The following KCNAB1 variants were observed in gnomAD, a reference collection of about 807,000 sequenced individuals.
KCNAB1 encodes potassium voltage-gated channel subfamily A regulatory beta subunit 1.
A neutral mutation model predicts 64.6 loss-of-function variants in KCNAB1; 35 were observed. The ratio of observed to expected loss-of-function variants is 0.54; its 90% CI spans 0.41 to 0.72. The LOEUF (loss-of-function observed/expected upper bound fraction) is 0.72. KCNAB1 is among the 30% of genes least tolerant of loss of function. The probability of loss-of-function intolerance (pLI) is 0.00; values close to 1 mark genes in which losing one functional copy is unlikely to be tolerated. For missense variants in KCNAB1, 401 were observed against 512.9 expected, an observed-to-expected ratio of 0.78 and a Z score of 2.11; for synonymous variants, 177 against 183.8, an observed-to-expected ratio of 0.96 and a Z score of 0.30.
At chr3:156,338,303 C>T (rs13060566) in intron 1 of KCNAB1, among the ~76,000 whole-genome samples, 19 of 39,496 alleles carry the variant, frequency 4.8e-4, no homozygotes, top group Admixed American at 1.2e-3. Flanking sequence ...GGCATTTGCA[C>T]TTTTTTTTTT....
intron 1 of KCNAB1, among the ~76,000 whole-genome samples, chr3:156,300,911 G>T (rs919069452): frequency 2.0e-5 from 3 of 152,164 alleles, no homozygotes; most frequent in African/African-American, 7.2e-5. Context: ...TATTCTTATA[G>T]ATAATTTATT....
At chr3:156,265,056 A>G (rs1329086240) in intron 1 of KCNAB1, among the ~76,000 whole-genome samples, 2 of 152,130 alleles carry the variant, frequency 1.3e-5, no homozygotes, top group African/African-American at 4.8e-5. Flanking sequence ...AATCTTCTAT[A>G]TTCAGAATTG....
rs114667779 is a variant in KCNAB1 at position 156,357,377 on chromosome 3, T to G, written c.276-64239T>G. Among the ~76,000 whole-genome samples the G allele has an allele frequency of 6.7e-3, 1,018 of 152,268 alleles. 13 individuals carry two copies. The highest frequency in any genetic ancestry group is 0.024 in the African/African-American group (993 of 41,564). On this transcript the variant is annotated intron_variant, in intron 1 of 13. Coordinates refer to ENST00000490337, the MANE Select transcript of KCNAB1 (RefSeq NM_172160.3). Reference sequence around the variant, plus strand: ...TAATTTTTGAGCTGTAAGAGAAAATTTTTTACGAGACCCTCAAGAACTCAA... The same window carrying G: ...TAATTTTTGAGCTGTAAGAGAAAATGTTTTACGAGACCCTCAAGAACTCAA...
chr3:156,118,456 G>GAC, upstream of KCNAB1: 1 of 326,030 alleles, frequency 3.1e-6, no homozygotes. Context: ...TTACATTGAA[G>GAC]TAGTGTGAAG....
rs560999348 is a variant in KCNAB1 at position 156,188,871 on chromosome 3, A to G, written c.275+67985A>G. Among the ~76,000 whole-genome samples the G allele has an allele frequency of 2.6e-4, 40 of 152,296 alleles. 1 individual carries two copies. In the South Asian group the frequency reaches 7.3e-3, roughly 28 times the overall value. ...TGTTTTCTGAGTAATTTGGGAGGAT[A>G]TTAGACAGATAGTTGTGATCACTTC... On this transcript the variant is annotated intron_variant, in intron 1 of 13. Transcript: ENST00000490337.
intron 2 of KCNAB1, among the ~76,000 whole-genome samples, chr3:156,437,223 T>G (rs1716645865): frequency 6.6e-6 from 1 of 152,206 alleles, no homozygotes; most frequent in Non-Finnish European, 1.5e-5. Context: ...ATTGACCCAT[T>G]GGAACCACAT....
intron 1 of KCNAB1, among the ~76,000 whole-genome samples, chr3:156,319,599 T>G (rs573681892): frequency 3.3e-5 from 5 of 152,314 alleles, no homozygotes; most frequent in Admixed American, 2.0e-4. Context: ...TGCTGTTGAT[T>G]ACCACACACA....
In KCNAB1 at chr3:156,193,321, T is replaced by C. The variant is rs191388930; in HGVS notation, c.275+72435T>C. ...ACCATACAACCATTCTGTTTTTCAC[T>C]TTCAGCATACAGTATTTAATAGATT... On this transcript the variant is annotated intron_variant, in intron 1 of 13. Transcript: ENST00000490337. 2.1e-3 allele frequency among the ~76,000 whole-genome samples: 319 copies of C among 152,310 alleles called. 1 individual carries two copies. Among genetic ancestry groups the C allele is most frequent in the African/African-American group, 7.1e-3 (295 of 41,570 alleles).
chr3:156,477,103 A>C (rs1419953851), intron 8 of KCNAB1, among the ~76,000 whole-genome samples: 1 of 152,194 alleles, frequency 6.6e-6, no homozygotes, highest in African/African-American at 2.4e-5. Context: ...TTAGGAGCCA[A>C]ACTATGTGAT....
intron 1 of KCNAB1, among the ~76,000 whole-genome samples, chr3:156,193,258 A>G (rs1483442239): frequency 1.3e-5 from 2 of 152,172 alleles, no homozygotes; most frequent in Non-Finnish European, 2.9e-5. Flanking sequence ...TGACACAAAA[A>G]CAATACAAAT....
intron 1 of KCNAB1, among the ~76,000 whole-genome samples, chr3:156,262,284 A>C (rs1039347696): frequency 7.2e-5 from 11 of 151,958 alleles, no homozygotes; most frequent in African/African-American, 2.4e-4. Flanking sequence ...TAGGGGAAAA[A>C]CATTTAGTCT....
chr3:156,181,321 G>A (rs114773112), intron 1 of KCNAB1, among the ~76,000 whole-genome samples: 3,257 of 152,262 alleles, frequency 0.021, 46 homozygotes, highest in Middle Eastern at 0.054. Flanking sequence ...AGGGAGCAGC[G>A]TGAAATGCAT....
intron 1 of KCNAB1, among the ~76,000 whole-genome samples, chr3:156,317,051 G>T (rs1443790394): frequency 6.6e-6 from 1 of 152,142 alleles, no homozygotes; most frequent in East Asian, 1.9e-4. Flanking sequence ...TTGTTAGAAT[G>T]ATTCTTCTTA....
chr3:156,352,228 A>G (rs900915805), intron 1 of KCNAB1, among the ~76,000 whole-genome samples: 3 of 152,190 alleles, frequency 2.0e-5, no homozygotes, highest in Admixed American at 6.5e-5. Flanking sequence ...ACCCGCATCA[A>G]TGTCTAGTTC....
intron 8 of KCNAB1, among the ~76,000 whole-genome samples, chr3:156,492,866 T>TA (rs1715734766): frequency 1.3e-5 from 2 of 152,080 alleles, no homozygotes; most frequent in Non-Finnish European, 2.9e-5. Context: ...ATACAGAGCT[T>TA]AATACCAGAG....
At chr3:156,283,837 C>G (rs1461314959) in intron 1 of KCNAB1, among the ~76,000 whole-genome samples, 1 of 152,058 alleles carries the variant, frequency 6.6e-6, no homozygotes, top group Non-Finnish European at 1.5e-5. Flanking sequence ...AAGCACTTCT[C>G]TGTATTGTTT....
chr3:156,461,421 G>A lies in KCNAB1; in HGVS notation c.482+1550G>A, dbSNP rs71310476. On this transcript the variant is annotated intron_variant, in intron 5 of 13. Transcript: ENST00000490337. The stretch of plus-strand genomic sequence containing the variant: ...TAACTCTTCTCTCATGTGTCTAAGT[G>A]TCTTCTGATAAAGACACCAGTCATA... Among the ~76,000 whole-genome samples the A allele has an allele frequency of 4.5e-3, 683 of 152,266 alleles. 5 individuals carry two copies. The highest frequency in any genetic ancestry group is 0.024 in the South Asian group (114 of 4,832).
intron 1 of KCNAB1, chr3:156,291,518 C>G (rs1489313710): frequency 1.9e-6 from 2 of 1,074,318 alleles, no homozygotes; most frequent in Non-Finnish European, 2.3e-6. Flanking sequence ...GGACCGGCTC[C>G]GCGAAGGGCT....
intron 2 of KCNAB1, among the ~76,000 whole-genome samples, chr3:156,422,214 G>T (rs1467659897): frequency 6.6e-6 from 1 of 152,180 alleles, no homozygotes; most frequent in Non-Finnish European, 1.5e-5. Flanking sequence ...AAATAGAGAT[G>T]GCAATTCTAA....
Sources: allele counts gnomAD v4.1 joint callset (sites outside exome capture counted in the v4.1 genomes callset), GRCh38; gene constraint gnomAD v4.1.1; transcripts MANE v1.5; gene names NCBI Gene and HGNC (gene_info 2026-07-23, HGNC 2026-07-21).